GOLM2: variants seen among roughly 807,000 people sequenced by gnomAD.
GOLM2 encodes protein GOLM2.
A neutral mutation model predicts 55.9 loss-of-function variants in GOLM2; 26 were observed. The observed-to-expected ratio is 0.47, with a 90% CI of 0.34 to 0.65. GOLM2 has a LOEUF of 0.65. Ranked by LOEUF, GOLM2 falls within the 30% of genes least tolerant of loss-of-function variation. GOLM2 has a pLI of 0.01. For synonymous variants in GOLM2, 165 were observed against 194.6 expected (o/e 0.85, Z 1.27); for missense variants, 486 against 531.8 (o/e 0.91, Z 0.85).
At position 44,329,640 on chromosome 15, in the gene GOLM2, G is replaced by A. The variant is rs189810342; in HGVS notation, c.485+853G>A. 1.4e-3 allele frequency among the ~76,000 whole-genome samples: 214 copies of A among 152,264 alleles called. 1 individual carries two copies. The highest frequency in any genetic ancestry group is 5.1e-3 in the African/African-American group (211 of 41,548). ...GGCTAGGTTATGGTGGTTCACACCTGTAATCCTAACACTTTGGGAGGCTGA... is the reference window on the plus strand; with the variant it reads ...GGCTAGGTTATGGTGGTTCACACCTATAATCCTAACACTTTGGGAGGCTGA... On this transcript the variant is annotated intron_variant, in intron 3 of 9. Transcript: ENST00000299957.
intron 6 of GOLM2, among the ~76,000 whole-genome samples, chr15:44,362,591 C>T (rs1173874928): frequency 5.9e-5 from 9 of 152,106 alleles, no homozygotes; most frequent in African/African-American, 1.4e-4. Flanking sequence ...TAGGAAGAAT[C>T]GATATCATGA....
At chr15:44,404,878 T>A (rs1036312920) in intron 9 of GOLM2, among the ~76,000 whole-genome samples, 5 of 152,188 alleles carry the variant, frequency 3.3e-5, no homozygotes, top group African/African-American at 9.7e-5. Context: ...CTCTTTAACT[T>A]CTGGTATTAC....
intron 1 of GOLM2, among the ~76,000 whole-genome samples, chr15:44,292,176 T>C (rs1000783405): frequency 2.1e-4 from 32 of 149,436 alleles, no homozygotes; most frequent in African/African-American, 7.9e-4. Context: ...TGTATATGTG[T>C]ATACATACAT....
chr15:44,333,661 G>A lies in GOLM2; in HGVS notation c.576+1583G>A, dbSNP rs151212118. ...GGAAGGGGAAGAGAGGTTTGCTGTT[G>A]CAATTGTGTCATTATAAGCGTAGTA... On this transcript the variant is annotated intron_variant, in intron 4 of 9. Coordinates refer to ENST00000299957, the MANE Select transcript of GOLM2 (RefSeq NM_138423.4). 3.4e-4 allele frequency among the ~76,000 whole-genome samples: 51 copies of A among 152,150 alleles called. No homozygotes were observed. In the East Asian group the frequency reaches 9.6e-3, roughly 29 times the overall value.
intron 8 of GOLM2, among the ~76,000 whole-genome samples, chr15:44,382,963 C>T (rs911803498): frequency 6.7e-6 from 1 of 149,794 alleles, no homozygotes; most frequent in Admixed American, 6.7e-5. Flanking sequence ...GAGTTTTAAA[C>T]CCTCACTCCA....
At chr15:44,318,061 T>G (rs576799848) in intron 1 of GOLM2, among the ~76,000 whole-genome samples, 26 of 152,352 alleles carry the variant, frequency 1.7e-4, no homozygotes, top group Middle Eastern at 3.4e-3. Context: ...GCAGGCCATA[T>G]AGTCTCTGCC....
At chr15:44,293,132 A>C (rs1029064678) in intron 1 of GOLM2, among the ~76,000 whole-genome samples, 1 of 151,914 alleles carries the variant, frequency 6.6e-6, no homozygotes, top group African/African-American at 2.4e-5. Context: ...GATCTGGAAA[A>C]TTATTGGAAA....
intron 4 of GOLM2, among the ~76,000 whole-genome samples, chr15:44,332,780 A>G (rs1413408233): frequency 6.6e-6 from 1 of 152,150 alleles, no homozygotes; most frequent in Admixed American, 6.6e-5. Flanking sequence ...AAAGCACAGA[A>G]ATGAGACACT....
At position 44,392,549 on chromosome 15, in the gene GOLM2, G is replaced by A. The variant is rs567254614; in HGVS notation, c.1073-10338G>A. Among the ~76,000 whole-genome samples, 672 of 151,926 alleles carry A rather than the reference G, an allele frequency of 4.4e-3. 4 individuals are homozygous for A. The highest frequency in any genetic ancestry group is 0.015 in the African/African-American group (640 of 41,418). The stretch of plus-strand genomic sequence containing the variant: ...GAGGCTGGAGAATCGCTTGAACCCG[G>A]GAGGCGGAGGTTGCAGTGAGCCAAG... On this transcript the variant is annotated intron_variant, in intron 8 of 9. Transcript: ENST00000299957.
At chr15:44,400,467 G>A (rs1253328043) in intron 8 of GOLM2, among the ~76,000 whole-genome samples, 4 of 148,508 alleles carry the variant, frequency 2.7e-5, no homozygotes, top group South Asian at 2.1e-4. Context: ...ACAGGCATGC[G>A]CCACCATGCC....
intron 8 of GOLM2, among the ~76,000 whole-genome samples, chr15:44,394,315 C>G (rs1236392778): frequency 6.6e-6 from 1 of 152,158 alleles, no homozygotes; most frequent in Admixed American, 6.6e-5. Context: ...ACAGGGGATA[C>G]ATTCTGAGAA....
Position 44,305,374 on chromosome 15 carries a change from A to G in GOLM2, c.327+16018A>G, listed in dbSNP as rs1052949363. Among the ~76,000 whole-genome samples the G allele has an allele frequency of 2.8e-4, 42 of 151,088 alleles. 1 individual carries two copies. The highest frequency in any genetic ancestry group is 1.9e-3 in the Admixed American group (29 of 15,162). ...GAGTGCAGTGGTGCGATCTCGGCTCACTACAACCTCTACCCCCTGAGCTCA... is the reference window on the plus strand; with the variant it reads ...GAGTGCAGTGGTGCGATCTCGGCTCGCTACAACCTCTACCCCCTGAGCTCA... On this transcript the variant is annotated intron_variant, in intron 1 of 9. Coordinates refer to ENST00000299957, the MANE Select transcript of GOLM2 (RefSeq NM_138423.4).
chr15:44,383,614 C>T (rs181916091), intron 8 of GOLM2, among the ~76,000 whole-genome samples: 1 of 151,414 alleles, frequency 6.6e-6, no homozygotes, highest in East Asian at 1.9e-4. Flanking sequence ...GACCACTTAG[C>T]CTGAAAACTT....
intron 9 of GOLM2, among the ~76,000 whole-genome samples, chr15:44,404,773 C>T (rs564062780): frequency 1.1e-4 from 17 of 152,036 alleles, no homozygotes; most frequent in Admixed American, 3.9e-4. Context: ...TGCACATCAC[C>T]CACCCGCCAC....
In GOLM2 at chr15:44,414,570, A is replaced by G. The variant is rs767003951; in HGVS notation, c.*1164A>G. On this transcript the variant is annotated 3_prime_UTR_variant, in exon 10 of 10. Coordinates refer to ENST00000299957, the MANE Select transcript of GOLM2 (RefSeq NM_138423.4). Reference sequence around the variant, plus strand: ...AACACCAGATCCTGAAAGGGGTTAAATCTACTTTGAAATGAATCTGCAATC... The same window carrying G: ...AACACCAGATCCTGAAAGGGGTTAAGTCTACTTTGAAATGAATCTGCAATC... 2 of 152,228 alleles carry G rather than the reference A, an allele frequency of 1.3e-5. No homozygotes were observed. Among genetic ancestry groups the G allele is most frequent in the African/African-American group, 2.4e-5 (1 of 41,472 alleles). 9.4% of individuals were successfully genotyped at this position (152,228 alleles called of 1,614,324 possible).
At chr15:44,387,130 C>A (rs28763652) in intron 8 of GOLM2, among the ~76,000 whole-genome samples, 1 of 144,070 alleles carries the variant, frequency 6.9e-6, no homozygotes, top group Non-Finnish European at 1.5e-5. Flanking sequence ...AGCTGAGATT[C>A]TGAGATTGTG....
intron 1 of GOLM2, chr15:44,307,299 G>C (rs1595617595): frequency 6.7e-6 from 1 of 149,136 alleles, no homozygotes; most frequent in African/African-American, 2.5e-5. Flanking sequence ...TGTAAGCTCT[G>C]CCTCCCAGGT....
At chr15:44,313,419 ACTT>A (rs1408890529) in intron 1 of GOLM2, among the ~76,000 whole-genome samples, 1 of 151,996 alleles carries the variant, frequency 6.6e-6, no homozygotes, top group East Asian at 1.9e-4. Flanking sequence ...CTCTCAGTTT[ACTT>A]CTTAGTCTCC....
intron 1 of GOLM2, among the ~76,000 whole-genome samples, chr15:44,292,712 G>A (rs1280081044): frequency 6.6e-6 from 1 of 152,142 alleles, no homozygotes; most frequent in Non-Finnish European, 1.5e-5. Context: ...GTGAATGTCT[G>A]TTCTTGGGGT....
Sources: gnomAD v4.1 joint callset for allele counts (sites outside exome capture counted in the v4.1 genomes callset) on GRCh38, gnomAD v4.1.1 for gene constraint, MANE v1.5 for transcripts, NCBI Gene and HGNC (gene_info 2026-07-23, HGNC 2026-07-21) for gene names.